CDH13: variants seen among roughly 807,000 people sequenced by gnomAD.
The protein encoded by CDH13 is cadherin 13.
Under a neutral mutation model 63.8 loss-of-function variants are expected in CDH13, and 24 were observed. That is an observed-to-expected ratio of 0.38 (90% confidence interval 0.27 to 0.53). CDH13 has a LOEUF of 0.53. CDH13 is among the 20% of genes least tolerant of loss of function. CDH13 has a pLI of 0.85. For synonymous variants in CDH13, 503 were observed against 355.3 expected (o/e 1.42, Z -4.67); for missense variants, 1,049 against 903.1 (o/e 1.16, Z -2.07).
intron 1 of CDH13, among the ~76,000 whole-genome samples, chr16:82,740,900 C>T (rs552221512): frequency 2.0e-5 from 3 of 152,166 alleles, no homozygotes; most frequent in Non-Finnish European, 4.4e-5. Context: ...CATTCGATCA[C>T]AGCTGCTTTG....
intron 1 of CDH13, among the ~76,000 whole-genome samples, chr16:82,714,640 G>T (rs867459703): frequency 7.4e-5 from 11 of 148,340 alleles, no homozygotes; most frequent in African/African-American, 2.5e-4. Flanking sequence ...CTTAAACTGG[G>T]CAGGTGCTGG....
intron 1 of CDH13, among the ~76,000 whole-genome samples, chr16:82,792,284 A>C (rs2036349036): frequency 6.6e-6 from 1 of 152,170 alleles, no homozygotes; most frequent in African/African-American, 2.4e-5. Flanking sequence ...TCACTTACTC[A>C]TTCAATCATT....
chr16:82,801,655 G>C (rs540401017), intron 1 of CDH13, among the ~76,000 whole-genome samples: 2 of 152,212 alleles, frequency 1.3e-5, no homozygotes, highest in Non-Finnish European at 1.5e-5. Context: ...AAGCTTAACC[G>C]TAGACAGGAA....
intron 2 of CDH13, among the ~76,000 whole-genome samples, chr16:83,004,748 C>T (rs1913304164): frequency 2.0e-5 from 3 of 152,180 alleles, no homozygotes; most frequent in African/African-American, 7.2e-5. Context: ...CCACCTCAGC[C>T]TCCCAAAGGG....
At chr16:83,286,863 G>C (rs567377118) in intron 5 of CDH13, among the ~76,000 whole-genome samples, 2 of 150,646 alleles carry the variant, frequency 1.3e-5, no homozygotes, top group East Asian at 3.9e-4. Context: ...TCATATTCTT[G>C]TGAGTGGACT....
intron 2 of CDH13, among the ~76,000 whole-genome samples, chr16:83,027,806 G>A (rs7498488): frequency 1.3e-5 from 2 of 151,958 alleles, no homozygotes; most frequent in Admixed American, 6.6e-5. Flanking sequence ...CATCCAGTTC[G>A]GTAGATGCCG....
chr16:82,719,284 C>G (rs545292657), intron 1 of CDH13: 11 of 444,026 alleles, frequency 2.5e-5, no homozygotes, highest in East Asian at 1.4e-4. Flanking sequence ...CTGAGTCTAT[C>G]TGGGACAGGT....
intron 5 of CDH13, among the ~76,000 whole-genome samples, chr16:83,325,099 A>T (rs557954847): frequency 6.6e-6 from 1 of 152,288 alleles, no homozygotes; most frequent in Admixed American, 6.5e-5. Flanking sequence ...CGCAATCTAA[A>T]TGGGATCTCG....
At chr16:83,302,374 A>C (rs2089770315) in intron 5 of CDH13, among the ~76,000 whole-genome samples, 1 of 152,218 alleles carries the variant, frequency 6.6e-6, no homozygotes, top group Admixed American at 6.5e-5. Context: ...AATATGTAGA[A>C]GTTCTTGGCA....
chr16:82,997,059 A>ATGGTGATGG (rs1330924852), intron 2 of CDH13, among the ~76,000 whole-genome samples: 1 of 148,970 alleles, frequency 6.7e-6, no homozygotes, highest in Non-Finnish European at 1.5e-5. Context: ...GATGATAGTG[A>ATGGTGATGG]TGGTGATGGT....
intron 2 of CDH13, among the ~76,000 whole-genome samples, chr16:82,917,547 A>T (rs772961314): frequency 6.6e-6 from 1 of 152,196 alleles, no homozygotes. Flanking sequence ...AGAAAGGGAG[A>T]GAATAAAATG....
At chr16:83,193,336 G>A (rs551528727) in intron 4 of CDH13, among the ~76,000 whole-genome samples, 3 of 152,202 alleles carry the variant, frequency 2.0e-5, no homozygotes, top group South Asian at 2.1e-4. Context: ...TTAGTAATGT[G>A]TTCTCTGACA....
intron 1 of CDH13, among the ~76,000 whole-genome samples, chr16:82,736,763 C>G (rs1313700512): frequency 6.6e-6 from 1 of 152,216 alleles, no homozygotes; most frequent in African/African-American, 2.4e-5. Context: ...CTCTCTTACC[C>G]TTTCACTCCT....
chr16:83,654,746 C>T (rs1266826154), intron 8 of CDH13: 2 of 152,258 alleles, frequency 1.3e-5, no homozygotes, highest in East Asian at 3.8e-4. Flanking sequence ...CCACTCACCC[C>T]ATCATTCGTC....
At chr16:82,757,647 GTTT>G (rs776039467) in intron 1 of CDH13, among the ~76,000 whole-genome samples, 3 of 88,494 alleles carry the variant, frequency 3.4e-5, no homozygotes, top group Admixed American at 1.5e-4. Flanking sequence ...CTTTTTTTTT[GTTT>G]TTTTTTTTTT....
At chr16:83,712,580 C>A (rs1465728875) in intron 10 of CDH13, among the ~76,000 whole-genome samples, 1 of 152,202 alleles carries the variant, frequency 6.6e-6, no homozygotes, top group East Asian at 1.9e-4. Context: ...TCTGGAGAAG[C>A]ACAGGTGCTG....
chr16:83,095,443 C>T (rs892513306), intron 3 of CDH13, among the ~76,000 whole-genome samples: 1 of 152,178 alleles, frequency 6.6e-6, no homozygotes, highest in Non-Finnish European at 1.5e-5. Context: ...GTACTTCTCC[C>T]AAATGGGATG....
At position 83,539,188 on chromosome 16, in the gene CDH13, G is replaced by C. The variant is rs114772959; in HGVS notation, c.960+52533G>C. Among the ~76,000 whole-genome samples, 831 of 152,252 alleles carry C rather than the reference G, an allele frequency of 5.5e-3. 8 individuals are homozygous for C. The highest frequency in any genetic ancestry group is 0.019 in the African/African-American group (793 of 41,538). ...GAAGACAATTTTTCTGTGGGCAAGG[G>C]TGGGGGATGGTTTCAGGATGAAACT... On this transcript the variant is annotated intron_variant, in intron 7 of 13. Transcript: ENST00000567109.
At chr16:83,106,906 TAA>T (rs922181703) in intron 3 of CDH13, among the ~76,000 whole-genome samples, 14,042 of 152,082 alleles carry the variant, frequency 0.092, 722 homozygotes, top group African/African-American at 0.13. Flanking sequence ...ATTTTTTTTT[TAA>T]AAAAGTATAA....
Sources: allele counts gnomAD v4.1 joint callset (sites outside exome capture counted in the v4.1 genomes callset), GRCh38; gene constraint gnomAD v4.1.1; transcripts MANE v1.5; gene names NCBI Gene and HGNC (gene_info 2026-07-23, HGNC 2026-07-21).